Variants in WBP4 observed in about 807,000 individuals in gnomAD.
WBP4 encodes WW domain binding protein 4, also known as WW domain-binding protein 4.
A neutral mutation model predicts 55.4 loss-of-function variants in WBP4; 37 were observed. The ratio of observed to expected loss-of-function variants is 0.67; its 90% CI spans 0.51 to 0.88. WBP4 has a LOEUF of 0.88. Among genes scored for constraint, WBP4 ranks in the 40% least tolerant of loss-of-function variants. The pLI is 0.00. For synonymous variants in WBP4, 142 were observed against 140.2 expected (o/e 1.01, Z -0.09); for missense variants, 398 against 420.8 (o/e 0.95, Z 0.47).
chr13:41,076,888 A>G (rs1345860832), intron 8 of WBP4, among the ~76,000 whole-genome samples: 1 of 152,216 alleles, frequency 6.6e-6, no homozygotes, highest in East Asian at 1.9e-4. Context: ...GAGGAGCAGC[A>G]GCAAAGCCTT....
intron 4 of WBP4, among the ~76,000 whole-genome samples, chr13:41,065,742 G>A (rs1412495228): frequency 6.6e-6 from 1 of 152,188 alleles, no homozygotes; most frequent in Non-Finnish European, 1.5e-5. Flanking sequence ...ACAATTAGCA[G>A]ATTTTACTAG....
At chr13:41,076,677 C>T (rs138486689) in intron 8 of WBP4, among the ~76,000 whole-genome samples, 2 of 152,264 alleles carry the variant, frequency 1.3e-5, no homozygotes, top group Non-Finnish European at 2.9e-5. Flanking sequence ...AAACCGGGAA[C>T]ACTCAGGAGC....
intron 1 of WBP4, chr13:41,062,096 G>GTTT (rs60658317): frequency 0.026 from 20,229 of 792,568 alleles, 190 homozygotes; most frequent in Non-Finnish European, 0.027. Context: ...TAGCGTAATG[G>GTTT]TTTTTTTTTT....
chr13:41,082,023 G>A (rs9566690), intron 9 of WBP4, among the ~76,000 whole-genome samples: 20,467 of 152,064 alleles, frequency 0.13, 2,043 homozygotes, highest in East Asian at 0.29. Flanking sequence ...TAGGGAGTAC[G>A]GTACTGTGAT....
intron 4 of WBP4, among the ~76,000 whole-genome samples, chr13:41,066,716 C>T (rs1416822721): frequency 6.6e-6 from 1 of 152,122 alleles, no homozygotes; most frequent in Non-Finnish European, 1.5e-5. Flanking sequence ...TTAATCTTTT[C>T]CTGGTTAACA....
chr13:41,061,991 C>T (rs528438834), intron 1 of WBP4: 1 of 958,224 alleles, frequency 1.0e-6, no homozygotes, highest in African/African-American at 1.8e-5. Context: ...GTCGCATGCA[C>T]CCCTTGGGTT....
chr13:41,073,252 G>A (rs1460664485), intron 7 of WBP4, among the ~76,000 whole-genome samples: 1 of 152,216 alleles, frequency 6.6e-6, no homozygotes, highest in Non-Finnish European at 1.5e-5. Flanking sequence ...AGTGGCACAT[G>A]CCTGTAATCC....
chr13:41,077,407 G>A (rs565586838), intron 8 of WBP4, among the ~76,000 whole-genome samples: 3 of 152,078 alleles, frequency 2.0e-5, no homozygotes, highest in Non-Finnish European at 2.9e-5. Context: ...CAGGAGAATC[G>A]ATTGAACCTG....
chr13:41,077,584 A>C (rs1593433045), intron 8 of WBP4, among the ~76,000 whole-genome samples: 2 of 152,210 alleles, frequency 1.3e-5, no homozygotes, highest in East Asian at 3.8e-4. Flanking sequence ...GAAAGCAAGG[A>C]TGCTCACTTC....
chr13:41,062,233 G>GA, intron 1 of WBP4: 1 of 981,950 alleles, frequency 1.0e-6, no homozygotes, highest in East Asian at 1.2e-4. Context: ...TTTCCCCAGA[G>GA]TAGTCTTGTA....
At position 41,065,289 on chromosome 13, in the gene WBP4, TAAAAAAAA is replaced by T; in HGVS notation, c.262+16_262+23del. The T allele has an allele frequency of 2.3e-5, 29 of 1,262,470 alleles. No homozygotes were observed. The highest frequency in any genetic ancestry group is 1.3e-4 in the Admixed American group (3 of 23,098). 78.2% of individuals were successfully genotyped at this position (1,262,470 alleles called of 1,614,324 possible). A position where few individuals can be genotyped will look rare whatever the true frequency, so the allele number is the denominator to read the frequency against. ...TGAAAAGACTTGGCTTAGAGTCAGGTAAAAAAAAAAAAAAAAAAAAAGCAGCCAGCATG... is the reference window on the plus strand; with the variant it reads ...TGAAAAGACTTGGCTTAGAGTCAGGTAAAAAAAAAAAAAGCAGCCAGCATG... On this transcript the variant is annotated splice_donor_5th_base_variant and intron_variant, in intron 4 of 9. Transcript: ENST00000379487.
At chr13:41,075,831 T>G (rs1024323694) in intron 7 of WBP4, among the ~76,000 whole-genome samples, 4 of 152,146 alleles carry the variant, frequency 2.6e-5, no homozygotes, top group African/African-American at 9.7e-5. Flanking sequence ...GAGTTATAGT[T>G]TACACATCTA....
chr13:41,062,564 CTT>C, intron 1 of WBP4, 78 bp from the exon 2 acceptor site: 1 of 1,343,948 alleles, frequency 7.4e-7, no homozygotes, highest in Non-Finnish European at 1.0e-6. Flanking sequence ...ATATTTCAAA[CTT>C]TAAAAACTGT....
intron 8 of WBP4, among the ~76,000 whole-genome samples, chr13:41,078,931 A>G: frequency 6.6e-6 from 1 of 152,242 alleles, no homozygotes; most frequent in East Asian, 1.9e-4. Flanking sequence ...AGTCTTCAAA[A>G]GTAAACACAA....
chr13:41,078,915 C>T (rs527578609), intron 8 of WBP4, among the ~76,000 whole-genome samples: 7 of 151,592 alleles, frequency 4.6e-5, no homozygotes, highest in South Asian at 4.2e-4. Context: ...AAAGAATTTA[C>T]GACAAAGTCT....
At chr13:41,070,068 G>A (rs12859864) in intron 5 of WBP4, among the ~76,000 whole-genome samples, 20,434 of 151,848 alleles carry the variant, frequency 0.13, 2,039 homozygotes, top group East Asian at 0.29. Context: ...AAAATTTAGC[G>A]ACAAATAAAT....
At chr13:41,070,763 A>G (rs1878207279) in intron 5 of WBP4, among the ~76,000 whole-genome samples, 1 of 152,158 alleles carries the variant, frequency 6.6e-6, no homozygotes, top group Admixed American at 6.6e-5. Flanking sequence ...CATATATTAA[A>G]GGAATGGATA....
intron 7 of WBP4, among the ~76,000 whole-genome samples, chr13:41,074,694 G>A (rs1262259907): frequency 6.6e-6 from 1 of 152,148 alleles, no homozygotes; most frequent in Non-Finnish European, 1.5e-5. Context: ...CATAGTAGGT[G>A]CTAAATAAAT....
At chr13:41,067,558 C>T (rs1325514215) in intron 4 of WBP4, among the ~76,000 whole-genome samples, 1 of 152,020 alleles carries the variant, frequency 6.6e-6, no homozygotes, top group Non-Finnish European at 1.5e-5. Context: ...TGGTGGTGCG[C>T]ACCTGTAGTC....
Sources: gnomAD v4.1 joint callset for allele counts (sites outside exome capture counted in the v4.1 genomes callset) on GRCh38, gnomAD v4.1.1 for gene constraint, MANE v1.5 for transcripts, NCBI Gene and HGNC (gene_info 2026-07-23, HGNC 2026-07-21) for gene names.